The following FER1L6 variants were observed in gnomAD, a reference collection of about 807,000 sequenced individuals.
FER1L6 encodes fer-1 like family member 6, also known as fer-1-like protein 6.
FER1L6 carries 177 observed loss-of-function variants against 219.2 expected under a neutral mutation model. The observed-to-expected ratio is 0.81, with a 90% CI of 0.71 to 0.91. FER1L6 has a LOEUF of 0.91. Among genes scored for constraint, FER1L6 ranks in the 40% least tolerant of loss-of-function variants. The pLI is 0.00. For synonymous variants in FER1L6, 768 were observed against 824.3 expected (o/e 0.93, Z 1.17); for missense variants, 2,153 against 2,259.9 (o/e 0.95, Z 0.96).
In FER1L6 at chr8:123,853,132, C is replaced by T. The variant is rs1816547013; in HGVS notation, c.-8+947C>T. Among the ~76,000 whole-genome samples, 1 of 152,208 alleles carries T rather than the reference C, an allele frequency of 6.6e-6. No individual in the cohort carries two copies. Among genetic ancestry groups the T allele is most frequent in the Admixed American group, 6.5e-5 (1 of 15,276 alleles). Reference sequence around the variant, plus strand: ...GTGCTCGGATTACGTGCGTGAGCCACTGTGCCCACCCTCAGACTTTAAAAT... The same window carrying T: ...GTGCTCGGATTACGTGCGTGAGCCATTGTGCCCACCCTCAGACTTTAAAAT... On this transcript the variant is annotated intron_variant, in intron 1 of 40. Coordinates refer to ENST00000522917, the MANE Select transcript of FER1L6 (RefSeq NM_001039112.2). This position sits in a 1 kb window ranked among gnomAD's most constrained non-coding sequence, Gnocchi z 6.6.
chr8:124,011,912 TA>T (rs150640129), intron 14 of FER1L6, among the ~76,000 whole-genome samples: 2,005 of 152,350 alleles, frequency 0.013, 50 homozygotes, highest in African/African-American at 0.045. Flanking sequence ...TGATAGCCAC[TA>T]AATAATTATT....
rs1815914057 is a variant in FER1L6, at chr8:123,973,475, T to C, written c.489T>C (p.Ser163=). 1 of 1,614,004 alleles carries C rather than the reference T, an allele frequency of 6.2e-7. No individual in the cohort carries two copies. Among genetic ancestry groups the C allele is most frequent in the Admixed American group, 1.7e-5 (1 of 60,002 alleles). The change falls in exon 7 of 41, where the codon TCT becomes TCC. Residue 163 remains serine (S), a synonymous_variant. Transcript: ENST00000522917. ...HKLIGSVLIG[S]FKVDLGTVYN... The stretch of plus-strand genomic sequence containing the variant: ...TGATAGGAAGTGTACTGATTGGCTC[T>C]TTCAAAGTAGACCTGGGGACCGTGT...
Position 124,049,634 on chromosome 8 carries a change from G to A in FER1L6, c.2752G>A (p.Val918Met). The A allele has an allele frequency of 6.2e-7, 1 of 1,613,936 alleles. No homozygotes were observed. The highest frequency in any genetic ancestry group is 8.5e-7 in the Non-Finnish European group (1 of 1,179,974). Reference protein sequence around the residue: ...VGKPEYLGATVAAPVVKLADQ... With the variant: ...VGKPEYLGATMAAPVVKLADQ... ...GAAGCCAGAATATTTGGGTGCCACA[G>A]TGGCTGCTCCTGTTGTGAAGCTGGC... is the stretch of plus-strand genomic sequence containing the variant. The change falls in exon 22 of 41, where the codon GTG becomes ATG. Residue 918 changes from valine (V) to methionine (M), a missense_variant. Transcript: ENST00000522917.
At chr8:123,916,023 G>A (rs1017515379) in intron 1 of FER1L6, among the ~76,000 whole-genome samples, 1 of 152,160 alleles carries the variant, frequency 6.6e-6, no homozygotes, top group Non-Finnish European at 1.5e-5. Flanking sequence ...GCTTCAAGGC[G>A]AGCCTGTGTT....
At chr8:123,964,962 G>A (rs1428482043) in intron 3 of FER1L6, among the ~76,000 whole-genome samples, 1 of 152,128 alleles carries the variant, frequency 6.6e-6, no homozygotes, top group African/African-American at 2.4e-5. Context: ...CCAGGAAGAT[G>A]GCTTACTCAT....
intron 1 of FER1L6, among the ~76,000 whole-genome samples, chr8:123,918,024 T>C (rs1730507109): frequency 1.3e-5 from 2 of 152,188 alleles, no homozygotes; most frequent in Admixed American, 1.3e-4. Context: ...ATTCAACAAA[T>C]ACAGGCCGGG....
intron 6 of FER1L6, among the ~76,000 whole-genome samples, chr8:123,971,094 G>A (rs187422711): frequency 6.6e-6 from 1 of 152,270 alleles, no homozygotes; most frequent in East Asian, 1.9e-4. Flanking sequence ...AGAATTGTGA[G>A]GATGACAAAA....
chr8:123,976,220 G>T, intron 9 of FER1L6, 136 bp downstream of exon 9: 3 of 704,320 alleles, frequency 4.3e-6, no homozygotes, highest in Non-Finnish European at 6.8e-6. Flanking sequence ...AAGGCAATGG[G>T]GCCAGGCGAG....
At chr8:124,046,170 C>T in intron 21 of FER1L6, 1 of 328,802 alleles carries the variant, frequency 3.0e-6, no homozygotes, top group Non-Finnish European at 5.6e-6. Context: ...AGTCTACACA[C>T]TTCTTCAGGA....
intron 36 of FER1L6, 122 bp from the exon 37 acceptor site, chr8:124,097,663 A>G (rs1472838511): frequency 3.1e-6 from 2 of 651,944 alleles, no homozygotes; most frequent in Non-Finnish European, 5.5e-6. Flanking sequence ...CTAAGTGTTG[A>G]TATTTCTGAA....
At chr8:124,046,012 C>A in intron 21 of FER1L6, 111 bp downstream of exon 21, 2 of 1,323,080 alleles carry the variant, frequency 1.5e-6, no homozygotes, top group Non-Finnish European at 2.1e-6. Flanking sequence ...GTGGTGAGAA[C>A]ACTAGATGTA....
At chr8:123,957,025 G>C (rs931268700) in intron 2 of FER1L6, among the ~76,000 whole-genome samples, 10 of 152,190 alleles carry the variant, frequency 6.6e-5, no homozygotes, top group African/African-American at 2.4e-4. Context: ...CTGCTGCATA[G>C]CCTTGATTAA....
intron 1 of FER1L6, among the ~76,000 whole-genome samples, chr8:123,918,689 AGGT>A: frequency 7.4e-6 from 1 of 134,620 alleles, no homozygotes; most frequent in East Asian, 2.5e-4. Context: ...GAATGCTGTT[AGGT>A]GGTGGTGGCA....
chr8:124,055,275 C>T (rs368137202), intron 22 of FER1L6, among the ~76,000 whole-genome samples: 7 of 151,882 alleles, frequency 4.6e-5, no homozygotes, highest in African/African-American at 1.7e-4. Context: ...CACATCTCTA[C>T]AAAAAATAAA....
chr8:124,054,663 A>G (rs1398217210), intron 22 of FER1L6, among the ~76,000 whole-genome samples: 2 of 152,168 alleles, frequency 1.3e-5, no homozygotes, highest in Non-Finnish European at 2.9e-5. Flanking sequence ...CTGGGCAAAG[A>G]GCCTTTAGAT....
In FER1L6 at chr8:124,049,749, T is replaced by G. The variant is rs1443548659; in HGVS notation, c.2867T>G (p.Leu956Arg). The G allele has an allele frequency of 6.2e-7, 1 of 1,613,974 alleles. No individual in the cohort carries two copies. The highest frequency in any genetic ancestry group is 8.5e-7 in the Non-Finnish European group (1 of 1,179,902). The change falls in exon 22 of 41, where the codon CTG (leucine) becomes CGG (arginine). Residue 956 changes from leucine (L) to arginine (R), a missense_variant. Leu to Arg is a moderately radical substitution (Grantham distance 102). Coordinates refer to ENST00000522917, the MANE Select transcript of FER1L6 (RefSeq NM_001039112.2). ...GGGGATCTCCTTGCTGTATTTGAAC[T>G]GCTGCAGGTGAGTGAACCAGATGTG... ...SGGDLLAVFE[L>R]LQVPPSGLQG...
At chr8:123,945,641 A>G (rs1407809731) in intron 1 of FER1L6, among the ~76,000 whole-genome samples, 1 of 152,190 alleles carries the variant, frequency 6.6e-6, no homozygotes, top group Non-Finnish European at 1.5e-5. Context: ...AATTGCACTG[A>G]GTTGCCTCAT....
intron 18 of FER1L6, among the ~76,000 whole-genome samples, chr8:124,028,010 A>G (rs1354625571): frequency 3.9e-5 from 6 of 152,272 alleles, no homozygotes; most frequent in African/African-American, 1.4e-4. Flanking sequence ...TATTAAAAAT[A>G]GCAAAACACT....
chr8:124,090,201 T>A (rs558011465), intron 33 of FER1L6, among the ~76,000 whole-genome samples: 96 of 152,316 alleles, frequency 6.3e-4, no homozygotes, highest in African/African-American at 2.1e-3. Context: ...CATGGAATGA[T>A]TTCATACAGT....
Sources: gnomAD v4.1 joint callset for allele counts (sites outside exome capture counted in the v4.1 genomes callset) on GRCh38, gnomAD v4.1.1 for gene constraint, Gnocchi (gnomAD v3.1) non-coding constraint, MANE v1.5 for transcripts, NCBI Gene and HGNC (gene_info 2026-07-23, HGNC 2026-07-21) for gene names.